CFAP299: variants seen among roughly 807,000 people sequenced by gnomAD.
The protein encoded by CFAP299 is cilia- and flagella-associated protein 299.
A neutral mutation model predicts 27.0 loss-of-function variants in CFAP299; 21 were observed. The ratio of observed to expected loss-of-function variants is 0.78; its 90% CI spans 0.55 to 1.12. CFAP299 has a LOEUF of 1.12. Ranked by LOEUF, CFAP299 falls within the 50% of genes most tolerant of loss-of-function variation. The pLI, the probability that CFAP299 is intolerant of heterozygous loss-of-function variation, is 0.00. For missense variants in CFAP299, 310 were observed against 276.6 expected (o/e 1.12, Z -0.86); for synonymous variants, 104 against 98.1 (o/e 1.06, Z -0.36).
chr4:80,663,824 G>A lies in CFAP299; in HGVS notation c.333+80641G>A, dbSNP rs149314874. ...TGTTTACTGACGTTTTAATGATTGC[G>A]ATTCTATCTGTGGTGAGATGGTATC... On this transcript the variant is annotated intron_variant, in intron 3 of 5. Coordinates refer to ENST00000358105, the MANE Select transcript of CFAP299 (RefSeq NM_152770.3). Among the ~76,000 whole-genome samples, 17 of 152,218 alleles carry A rather than the reference G, an allele frequency of 1.1e-4. No individual in the cohort carries two copies. In the East Asian group the frequency reaches 2.7e-3, roughly 24 times the overall value.
chr4:80,375,860 T>C (rs1724381228), intron 2 of CFAP299, among the ~76,000 whole-genome samples: 1 of 152,222 alleles, frequency 6.6e-6, no homozygotes, highest in Non-Finnish European at 1.5e-5. Context: ...TTGCTGAGGC[T>C]GACAAAGAAA....
At chr4:80,438,668 A>G (rs1728208110) in intron 2 of CFAP299, among the ~76,000 whole-genome samples, 2 of 152,328 alleles carry the variant, frequency 1.3e-5, no homozygotes, top group Admixed American at 6.5e-5. Context: ...AATTATTACA[A>G]CTTTTATTCT....
intron 3 of CFAP299, among the ~76,000 whole-genome samples, chr4:80,714,458 G>A (rs965016041): frequency 6.6e-6 from 1 of 152,002 alleles, no homozygotes; most frequent in Non-Finnish European, 1.5e-5. Flanking sequence ...GAACAGTTAC[G>A]GTTCTCAGTG....
At chr4:80,664,563 G>C (rs1211244517) in intron 3 of CFAP299, among the ~76,000 whole-genome samples, 1 of 152,018 alleles carries the variant, frequency 6.6e-6, no homozygotes, top group African/African-American at 2.4e-5. Flanking sequence ...CCTCAGTAAT[G>C]GTGGATGCCC....
chr4:80,665,474 T>A (rs1428249069), intron 3 of CFAP299, among the ~76,000 whole-genome samples: 2 of 152,210 alleles, frequency 1.3e-5, no homozygotes, highest in East Asian at 3.9e-4. Context: ...TTCTTCTCTG[T>A]GTCCAGCTGT....
intron 2 of CFAP299, among the ~76,000 whole-genome samples, chr4:80,550,637 T>TC (rs1734458326): frequency 6.6e-6 from 1 of 152,016 alleles, no homozygotes; most frequent in Non-Finnish European, 1.5e-5. Context: ...TCTTCTTCAT[T>TC]CCCCACCATT....
At chr4:80,867,046 C>T (rs1422342437) in intron 3 of CFAP299, among the ~76,000 whole-genome samples, 1 of 152,086 alleles carries the variant, frequency 6.6e-6, no homozygotes, top group Admixed American at 6.6e-5. Context: ...TCTGCTTAAT[C>T]TAGAAATAAT....
chr4:80,810,486 A>C (rs1490762940), intron 3 of CFAP299, among the ~76,000 whole-genome samples: 1 of 152,084 alleles, frequency 6.6e-6, no homozygotes, highest in African/African-American at 2.4e-5. Flanking sequence ...CTGGATTTAC[A>C]GTAGCCCTAC....
At chr4:80,652,136 C>T (rs539977191) in intron 3 of CFAP299, among the ~76,000 whole-genome samples, 1 of 150,074 alleles carries the variant, frequency 6.7e-6, no homozygotes, top group South Asian at 2.1e-4. Flanking sequence ...AAATGTTTTG[C>T]ATTAGATGTG....
chr4:80,577,631 G>A (rs1735938887), intron 2 of CFAP299, among the ~76,000 whole-genome samples: 1 of 151,954 alleles, frequency 6.6e-6, no homozygotes, highest in Non-Finnish European at 1.5e-5. Context: ...TCCATCTATT[G>A]ACCTTGTGAT....
chr4:80,683,806 A>G (rs1382713461), intron 3 of CFAP299, among the ~76,000 whole-genome samples: 2 of 152,232 alleles, frequency 1.3e-5, no homozygotes, highest in Non-Finnish European at 1.5e-5. Context: ...TCAAGCATGT[A>G]CTATTTACAC....
intron 3 of CFAP299, among the ~76,000 whole-genome samples, chr4:80,588,740 TA>T (rs1490650971): frequency 4.2e-5 from 6 of 144,006 alleles, no homozygotes; most frequent in Non-Finnish European, 8.8e-5. Context: ...TTAAGACAAT[TA>T]AAAAATGATA....
chr4:80,387,023 G>A (rs1016531439), intron 2 of CFAP299: 7 of 1,263,472 alleles, frequency 5.5e-6, no homozygotes, highest in Non-Finnish European at 8.1e-6. Flanking sequence ...GACGCTGCAG[G>A]TAGCGTTCAC....
chr4:80,525,322 C>T (rs1311258935), intron 2 of CFAP299, among the ~76,000 whole-genome samples: 1 of 152,096 alleles, frequency 6.6e-6, no homozygotes, highest in African/African-American at 2.4e-5. Context: ...AAAATTATTC[C>T]ATCATGCAAC....
chr4:80,875,793 C>T (rs1733344091), intron 4 of CFAP299, among the ~76,000 whole-genome samples: 1 of 152,064 alleles, frequency 6.6e-6, no homozygotes, highest in Non-Finnish European at 1.5e-5. Context: ...GTGATACCAC[C>T]ATCACCCTTG....
rs75117043 is a variant in CFAP299, at chr4:80,747,947, C to A, written c.334-122046C>A. On this transcript the variant is annotated intron_variant, in intron 3 of 5. Transcript: ENST00000358105. ...CTGTTTGTACTTTCCGATCAAACAT[C>A]TTTCTGAATTCCTGATTTACAAACC... is the stretch of plus-strand genomic sequence containing the variant. 5.0e-3 allele frequency among the ~76,000 whole-genome samples: 756 copies of A among 152,144 alleles called. 15 individuals are homozygous for A. Among genetic ancestry groups the A allele is most frequent in the African/African-American group, 0.018 (729 of 41,536 alleles).
intron 2 of CFAP299, among the ~76,000 whole-genome samples, chr4:80,443,510 A>C (rs1412022860): frequency 6.6e-6 from 1 of 152,246 alleles, no homozygotes; most frequent in Non-Finnish European, 1.5e-5. Flanking sequence ...TCAATAAGCT[A>C]GGTGTTGATG....
In CFAP299 at chr4:80,530,743, C is replaced by T. The variant is rs576078045; in HGVS notation, c.243-52350C>T. ...CATCAGGCAAAGCTAATTGATATGA[C>T]GATAGTTAGAAAGAGATGAAAGGGA... On this transcript the variant is annotated intron_variant, in intron 2 of 5. Coordinates refer to ENST00000358105, the MANE Select transcript of CFAP299 (RefSeq NM_152770.3). Among the ~76,000 whole-genome samples the T allele has an allele frequency of 1.4e-4, 21 of 152,134 alleles. 1 individual carries two copies. The highest frequency in any genetic ancestry group is 2.1e-4 in the South Asian group (1 of 4,814).
intron 5 of CFAP299, among the ~76,000 whole-genome samples, chr4:80,959,510 GA>G (rs199771701): frequency 1.4e-3 from 207 of 151,112 alleles, no homozygotes; most frequent in African/African-American, 4.8e-3. Context: ...AAAGGGCAAT[GA>G]AAAAAAAATT....
Sources: gnomAD v4.1 joint callset for allele counts (sites outside exome capture counted in the v4.1 genomes callset) on GRCh38, gnomAD v4.1.1 for gene constraint, MANE v1.5 for transcripts, NCBI Gene and HGNC (gene_info 2026-07-23, HGNC 2026-07-21) for gene names.